The following NAALADL2 variants were observed in gnomAD, a reference collection of about 807,000 sequenced individuals.
NAALADL2 encodes the protein inactive N-acetylated-alpha-linked acidic dipeptidase-like protein 2.
Under a neutral mutation model 87.2 loss-of-function variants are expected in NAALADL2, and 76 were observed. That is an observed-to-expected ratio of 0.87 (90% CI 0.72 to 1.05). The LOEUF is 1.05. Ranked by LOEUF, NAALADL2 falls within the 50% of genes least tolerant of loss-of-function variation. NAALADL2 has a pLI of 0.00. For synonymous variants in NAALADL2, 354 were observed against 331.0 expected, an observed-to-expected ratio of 1.07 and a Z score of -0.75; for missense variants, 1,089 against 945.8, an observed-to-expected ratio of 1.15 and a Z score of -1.99.
At chr3:174,841,620 G>T (rs1411236009) in intron 3 of NAALADL2, among the ~76,000 whole-genome samples, 2 of 152,204 alleles carry the variant, frequency 1.3e-5, no homozygotes, top group African/African-American at 4.8e-5. Flanking sequence ...GGCTGGAAAG[G>T]ACACTTCTCT....
At chr3:174,804,584 T>G (rs1719236460) in intron 3 of NAALADL2, among the ~76,000 whole-genome samples, 1 of 152,188 alleles carries the variant, frequency 6.6e-6, no homozygotes, top group South Asian at 2.1e-4. Context: ...GCCCATTCAG[T>G]CTGATACTGG....
intron 2 of NAALADL2, among the ~76,000 whole-genome samples, chr3:175,218,418 C>T (rs1742865022): frequency 6.6e-6 from 1 of 152,122 alleles, no homozygotes; most frequent in South Asian, 2.1e-4. Flanking sequence ...AGTTTTCTTA[C>T]AGGTGATATT....
chr3:175,280,033 T>TA (rs5854623), intron 4 of NAALADL2, among the ~76,000 whole-genome samples: 1,586 of 148,460 alleles, frequency 0.011, 16 homozygotes, highest in African/African-American at 0.026. Context: ...CACTCCACTT[T>TA]AAAAAAAAAA....
chr3:175,716,379 A>G (rs1368058688), intron 11 of NAALADL2, among the ~76,000 whole-genome samples: 1 of 148,634 alleles, frequency 6.7e-6, no homozygotes, highest in African/African-American at 2.5e-5. Context: ...ATGTATACAT[A>G]TACACACACA....
intron 11 of NAALADL2, among the ~76,000 whole-genome samples, chr3:175,726,325 T>C (rs1181700768): frequency 6.6e-6 from 1 of 151,424 alleles, no homozygotes; most frequent in Non-Finnish European, 1.5e-5. Flanking sequence ...AAAGTAAGCA[T>C]TTTATTTTAG....
intron 5 of NAALADL2, among the ~76,000 whole-genome samples, chr3:175,379,191 CT>C (rs67510422): frequency 0.49 from 70,173 of 142,614 alleles, 17,495 homozygotes; most frequent in African/African-American, 0.63. Flanking sequence ...CTTCCTCTCT[CT>C]TTTTTTTTTT....
chr3:175,006,657 A>T (rs929089446), intron 1 of NAALADL2, among the ~76,000 whole-genome samples: 4 of 151,562 alleles, frequency 2.6e-5, no homozygotes, highest in Admixed American at 1.3e-4. Context: ...AGAAAAAAAA[A>T]ATTGTTTTTC....
intron 11 of NAALADL2, among the ~76,000 whole-genome samples, chr3:175,646,606 A>G (rs1437673446): frequency 2.0e-5 from 3 of 152,062 alleles, no homozygotes; most frequent in Admixed American, 6.6e-5. Flanking sequence ...CTCTATCCCT[A>G]TGATGTTCTA....
chr3:175,636,056 T>C (rs1582717778), intron 11 of NAALADL2, among the ~76,000 whole-genome samples: 1 of 152,114 alleles, frequency 6.6e-6, no homozygotes, highest in Non-Finnish European at 1.5e-5. Context: ...TACTGCCCCA[T>C]GGACAACTAT....
intron 2 of NAALADL2, among the ~76,000 whole-genome samples, chr3:174,585,815 A>T (rs538475763): frequency 6.6e-6 from 1 of 152,206 alleles, no homozygotes; most frequent in Admixed American, 6.5e-5. Context: ...AGACAAGTGC[A>T]TTTTCTGGTT....
At chr3:175,200,434 G>T (rs951530356) in intron 2 of NAALADL2, among the ~76,000 whole-genome samples, 1 of 151,936 alleles carries the variant, frequency 6.6e-6, no homozygotes, top group Non-Finnish European at 1.5e-5. Flanking sequence ...TGAAAAAAAG[G>T]AAGCTGCTCT....
At chr3:174,878,466 C>T in intron 1 of NAALADL2, among the ~76,000 whole-genome samples, 1 of 152,034 alleles carries the variant, frequency 6.6e-6, no homozygotes. Context: ...AGAATCCAAA[C>T]CATTGCAAAA....
intron 9 of NAALADL2, among the ~76,000 whole-genome samples, chr3:175,491,638 T>G (rs1241464994): frequency 1.3e-5 from 2 of 152,220 alleles, no homozygotes; most frequent in Admixed American, 1.3e-4. Flanking sequence ...TTATTAGTTG[T>G]GGACAAGGCA....
chr3:174,765,764 A>G (rs1230537002), intron 3 of NAALADL2, among the ~76,000 whole-genome samples: 1 of 152,208 alleles, frequency 6.6e-6, no homozygotes, highest in Non-Finnish European at 1.5e-5. Flanking sequence ...ATAACATGAG[A>G]AAGTGTTTGC....
chr3:175,446,864 T>C (rs2149220717), intron 5 of NAALADL2, among the ~76,000 whole-genome samples: 1 of 152,316 alleles, frequency 6.6e-6, no homozygotes. Context: ...CTTACATCAC[T>C]GACACTTACA....
chr3:174,639,051 CT>C (rs1722924434), intron 2 of NAALADL2, among the ~76,000 whole-genome samples: 1 of 152,136 alleles, frequency 6.6e-6, no homozygotes, highest in Admixed American at 6.5e-5. Context: ...TGTGATTGCT[CT>C]TTTTGTCATC....
intron 5 of NAALADL2, among the ~76,000 whole-genome samples, chr3:175,417,155 G>T (rs1714802077): frequency 6.9e-6 from 1 of 144,552 alleles, no homozygotes; most frequent in African/African-American, 2.5e-5. Context: ...TGCCAAAACT[G>T]CAAAATTCAC....
intron 3 of NAALADL2, among the ~76,000 whole-genome samples, chr3:174,771,322 T>G (rs1386550766): frequency 2.0e-5 from 3 of 152,158 alleles, no homozygotes; most frequent in Admixed American, 6.5e-5. Context: ...AGGTAAGGCT[T>G]CAAGCTAGAG....
intron 3 of NAALADL2, among the ~76,000 whole-genome samples, chr3:174,768,168 G>A (rs370492653): frequency 6.6e-6 from 1 of 152,112 alleles, no homozygotes; most frequent in Non-Finnish European, 1.5e-5. Flanking sequence ...TAGTAATTTC[G>A]TTTTGCTTTC....
Sources: gnomAD v4.1 joint callset for allele counts (sites outside exome capture counted in the v4.1 genomes callset) on GRCh38, gnomAD v4.1.1 for gene constraint, MANE v1.5 for transcripts, NCBI Gene and HGNC (gene_info 2026-07-23, HGNC 2026-07-21) for gene names.